The following TRIOBP variants were observed in gnomAD, a reference collection of about 807,000 sequenced individuals.
The protein encoded by TRIOBP is TRIO and F-actin binding protein, also known as TRIO and F-actin-binding protein.
Under a neutral mutation model 238.8 loss-of-function variants are expected in TRIOBP, and 169 were observed. The observed-to-expected ratio is 0.71, with a 90% CI of 0.62 to 0.80. The LOEUF is 0.80. Ranked by LOEUF, TRIOBP falls within the 30% of genes least tolerant of loss-of-function variation. TRIOBP has a pLI of 0.00. For missense variants in TRIOBP, 2,838 were observed against 3,122.6 expected (o/e 0.91, Z 2.17); for synonymous variants, 1,150 against 1,274.4 (o/e 0.90, Z 2.08).
intron 11 of TRIOBP, among the ~76,000 whole-genome samples, chr22:37,748,552 C>T (rs922699165): frequency 6.6e-6 from 1 of 151,182 alleles, no homozygotes; most frequent in East Asian, 2.0e-4. Flanking sequence ...AGCTAATTTC[C>T]TGGCCTAGAA....
chr22:37,726,280 C>T lies in TRIOBP; in HGVS notation c.3724C>T (p.Pro1242Ser), dbSNP rs772380607. The T allele has an allele frequency of 8.1e-6, 13 of 1,612,920 alleles. 1 individual carries two copies. In the Admixed American group the frequency reaches 1.0e-4, roughly 12 times the overall value. ...HPPSDLAFLA[P>S]SPSPGSSGGS... Reference sequence around the variant, plus strand: ...ACCCAGTGACCTAGCGTTCCTGGCACCCTCACCTTCACCGGGCAGCTCTGG... The same window carrying T: ...ACCCAGTGACCTAGCGTTCCTGGCATCCTCACCTTCACCGGGCAGCTCTGG... The change falls in exon 7 of 24, where the codon CCC becomes TCC. Residue 1242 changes from proline to serine, a missense_variant. By Grantham distance (74) the Pro-to-Ser change is moderately conservative (BLOSUM62 -1). Coordinates refer to ENST00000644935, the MANE Select transcript of TRIOBP (RefSeq NM_001039141.3).
chr22:37,746,554 C>G (rs1247329373), intron 11 of TRIOBP: 1 of 799,240 alleles, frequency 1.3e-6, no homozygotes, highest in Non-Finnish European at 1.6e-6. Context: ...GGCCGGAAGA[C>G]GGGGCCACCT....
At chr22:37,741,152 C>A (rs967030503) in intron 11 of TRIOBP, 120 bp downstream of exon 11, 21 of 1,339,866 alleles carry the variant, frequency 1.6e-5, no homozygotes, top group Non-Finnish European at 2.1e-5. Context: ...CACCTAGGGC[C>A]GTCGCATGAC....
chr22:37,702,676 C>G (rs1293083659), intron 3 of TRIOBP, among the ~76,000 whole-genome samples: 1 of 115,454 alleles, frequency 8.7e-6, no homozygotes, highest in Non-Finnish European at 1.6e-5. Context: ...GGGTCTTGCT[C>G]TGTAGCACAG....
At chr22:37,759,855 C>T (rs1926151710) in intron 17 of TRIOBP, 1 of 971,712 alleles carries the variant, frequency 1.0e-6, no homozygotes, top group Non-Finnish European at 1.3e-6. Flanking sequence ...CTAGAAAAAA[C>T]GTGTGTGTGT....
chr22:37,708,267 A>T (rs1011235205), intron 3 of TRIOBP, among the ~76,000 whole-genome samples: 19 of 151,082 alleles, frequency 1.3e-4, no homozygotes, highest in Non-Finnish European at 1.2e-4. Context: ...AAAAAAAAAA[A>T]ATTGAGGCCA....
chr22:37,746,123 T>G (rs1341033134), intron 11 of TRIOBP: 2 of 928,928 alleles, frequency 2.2e-6, no homozygotes, highest in Non-Finnish European at 2.6e-6. Flanking sequence ...CCGGCCCGTC[T>G]CGCGCTTCCA....
Position 37,772,779 on chromosome 22 carries a change from G to A in TRIOBP, c.*2+15G>A, listed in dbSNP as rs749778321. On this transcript the variant is annotated intron_variant, in intron 23 of 23. Transcript: ENST00000644935. ...GCTGAGTAGAGGTGGATGCCGAGGC[G>A]TGTGCCCTGCAGGGTGGGCAGGGGC... is the stretch of plus-strand genomic sequence containing the variant. 2.6e-5 allele frequency: 42 copies of A among 1,610,894 alleles called. No homozygotes were observed. The highest frequency in any genetic ancestry group is 8.0e-5 in the African/African-American group (6 of 74,888).
At chr22:37,760,085 TA>T (rs1257622521) in intron 17 of TRIOBP, 1 of 155,934 alleles carries the variant, frequency 6.4e-6, no homozygotes. Context: ...TGGTAATGAG[TA>T]AGATGAGAAG....
chr22:37,752,152 C>T (rs1335931885), intron 12 of TRIOBP, among the ~76,000 whole-genome samples: 4 of 151,882 alleles, frequency 2.6e-5, no homozygotes, highest in Non-Finnish European at 2.9e-5. Context: ...GCTGTCTGGC[C>T]CGAGACACAG....
intron 11 of TRIOBP, among the ~76,000 whole-genome samples, chr22:37,746,850 A>G (rs578039846): frequency 3.0e-4 from 44 of 147,730 alleles, no homozygotes; most frequent in Non-Finnish European, 5.8e-4. Context: ...GTGGGTGCGG[A>G]TGGGTCGCGC....
At chr22:37,723,085 G>A (rs753657155) in intron 6 of TRIOBP, 100 bp from the exon 7 acceptor site, 149 of 1,189,376 alleles carry the variant, frequency 1.3e-4, no homozygotes, top group Non-Finnish European at 1.7e-4. Flanking sequence ...GAGGGTGTGG[G>A]GTTTGCCCTA....
intron 7 of TRIOBP, 175 bp downstream of exon 7, chr22:37,726,678 C>A: frequency 1.5e-6 from 1 of 689,402 alleles, no homozygotes; most frequent in South Asian, 2.4e-5. Flanking sequence ...TGGGAGTTTT[C>A]TGTTTTGTGT....
At chr22:37,759,447 C>T in intron 17 of TRIOBP, 183 bp downstream of exon 17, 2 of 1,457,312 alleles carry the variant, frequency 1.4e-6, no homozygotes, top group Non-Finnish European at 1.9e-6. Flanking sequence ...GCCCGTTTTA[C>T]AGACAAGGCC....
In TRIOBP at chr22:37,758,282, C is replaced by T. The variant is rs550761789; in HGVS notation, c.6213+144C>T. The T allele has an allele frequency of 9.1e-4, 984 of 1,083,978 alleles. 15 individuals are homozygous for T. The South Asian group carries it at 0.013, about 15-fold the overall frequency. 67.1% of individuals were successfully genotyped at this position (1,083,978 alleles called of 1,614,324 possible). A position where few individuals can be genotyped will look rare whatever the true frequency, so the allele number is the denominator to read the frequency against. ...TGCTGTGAGTGTGCACCCCACACTC[C>T]TGCGAACTAGAATCTTCTTCCTTAG... On this transcript the variant is annotated intron_variant, in intron 16 of 23. Coordinates refer to ENST00000644935, the MANE Select transcript of TRIOBP (RefSeq NM_001039141.3).
At chr22:37,716,063 T>A in intron 6 of TRIOBP, 129 bp downstream of exon 6, 1 of 901,812 alleles carries the variant, frequency 1.1e-6, no homozygotes, top group Non-Finnish European at 1.8e-6. Flanking sequence ...TAGTAACAGT[T>A]TGCATGTCAT....
In TRIOBP at chr22:37,725,441, A is replaced by G; in HGVS notation, c.2885A>G (p.Gln962Arg). Residue 962 changes from glutamine (Q) to arginine (R), a missense_variant, in exon 7 of 24, where the codon CAG (glutamine) becomes CGG (arginine). Gln to Arg is a conservative substitution (Grantham distance 43). Around this residue, in one of 5 missense-constraint regions of TRIOBP, gnomAD observed 2,096 missense variants for 2,137.4 expected, o/e 0.98. Transcript: ENST00000644935. ...PSRPAQHDPP[Q>R]SSFGPTQYNL... The stretch of plus-strand genomic sequence containing the variant: ...AGGCCAGCCCAGCATGACCCACCCC[A>G]GTCCTCCTTTGGCCCCACCCAGTAC... 6.2e-7 allele frequency: 1 copy of G among 1,610,960 alleles called. No homozygotes were observed. The highest frequency in any genetic ancestry group is 1.1e-5 in the South Asian group (1 of 90,890).
intron 9 of TRIOBP, among the ~76,000 whole-genome samples, chr22:37,738,159 G>T (rs4820303): frequency 6.6e-6 from 1 of 152,136 alleles, no homozygotes; most frequent in Non-Finnish European, 1.5e-5. Context: ...CATGTTGAAT[G>T]AATAATAGAC....
rs34625454 is a variant in TRIOBP, at chr22:37,702,634, C to CTTTT, written c.114+1176_114+1179dup. On this transcript the variant is annotated intron_variant, in intron 3 of 23. Transcript: ENST00000644935. ...ATCTAGAGATTTTCTTTCTCTCTCT[C>CTTTT]TTTTTTTTTTTTTTTTTTTTTTTTG... is the stretch of plus-strand genomic sequence containing the variant. Among the ~76,000 whole-genome samples the CTTTT allele has an allele frequency of 5.1e-3, 418 of 81,182 alleles. 2 individuals carry two copies. Among genetic ancestry groups the CTTTT allele is most frequent in the South Asian group, 0.023 (50 of 2,202 alleles). 53.3% of individuals were successfully genotyped at this position (81,182 alleles called of 152,430 possible).
Sources: gnomAD v4.1 joint callset for allele counts (sites outside exome capture counted in the v4.1 genomes callset) on GRCh38, gnomAD v4.1.1 for gene constraint, gnomAD v4.1.1 regional missense constraint, MANE v1.5 for transcripts, NCBI Gene and HGNC (gene_info 2026-07-23, HGNC 2026-07-21) for gene names.